GLT1D1: variants seen among roughly 807,000 people sequenced by gnomAD.
GLT1D1 encodes the protein glycosyltransferase 1 domain containing 1, also known as glycosyltransferase 1 domain-containing protein 1.
A neutral mutation model predicts 28.7 loss-of-function variants in GLT1D1; 21 were observed. The ratio of observed to expected loss-of-function variants is 0.73; its 90% CI spans 0.52 to 1.05. The LOEUF (loss-of-function observed/expected upper bound fraction) is 1.05, where lower values mean the gene tolerates loss of function less well. GLT1D1 is among the 50% of genes least tolerant of loss of function. The probability of loss-of-function intolerance (pLI) is 0.00; values close to 1 mark genes in which losing one functional copy is unlikely to be tolerated. For missense variants in GLT1D1, 343 were observed against 330.6 expected (o/e 1.04, Z -0.29); for synonymous variants, 147 against 124.8 (o/e 1.18, Z -1.19).
intron 1 of GLT1D1, among the ~76,000 whole-genome samples, chr12:128,867,412 A>AAACCAG (rs1956565465): frequency 7.3e-6 from 1 of 136,784 alleles, no homozygotes; most frequent in Non-Finnish European, 1.6e-5. Flanking sequence ...AAAAAAAAAA[A>AAACCAG]AAAACAGAAA....
At chr12:128,875,847 A>T in intron 1 of GLT1D1, 67 bp from the exon 2 acceptor site, 1 of 1,379,284 alleles carries the variant, frequency 7.3e-7, no homozygotes, top group Non-Finnish European at 1.0e-6. Flanking sequence ...TCTTAACTGT[A>T]GCAGCAACCT....
In GLT1D1 at chr12:128,877,113, T is replaced by C. The variant is rs141208603; in HGVS notation, c.217+1051T>C. On this transcript the variant is annotated intron_variant, in intron 2 of 7. Coordinates refer to ENST00000281703, the MANE Select transcript of GLT1D1 (RefSeq NM_144669.3). ...TATTCTTGACCTTATTTTCAGGTTGTGGAAAATTTTTCTTAACACTCACAA... is the reference window on the plus strand; with the variant it reads ...TATTCTTGACCTTATTTTCAGGTTGCGGAAAATTTTTCTTAACACTCACAA... Among the ~76,000 whole-genome samples, 70 of 152,348 alleles carry C rather than the reference T, an allele frequency of 4.6e-4. No individual in the cohort carries two copies. The East Asian group carries it at 0.013, about 28-fold the overall frequency.
At chr12:128,927,736 G>T (rs931841679) in intron 4 of GLT1D1, among the ~76,000 whole-genome samples, 1 of 151,550 alleles carries the variant, frequency 6.6e-6, no homozygotes, top group Non-Finnish European at 1.5e-5. Flanking sequence ...ACTGGCTCAC[G>T]CCTGTAATCC....
chr12:128,927,504 C>T (rs567692585), intron 4 of GLT1D1, among the ~76,000 whole-genome samples: 1 of 152,138 alleles, frequency 6.6e-6, no homozygotes, highest in Non-Finnish European at 1.5e-5. Context: ...TCCCAAAGTG[C>T]TGGGATTACA....
chr12:128,949,312 T>C (rs11060037), intron 6 of GLT1D1, among the ~76,000 whole-genome samples: 68,606 of 152,108 alleles, frequency 0.45, 16,646 homozygotes, highest in Non-Finnish European at 0.54. Context: ...TTAGCAACTC[T>C]GACTGCCTTA....
At chr12:128,914,904 C>T (rs1871946289) in intron 4 of GLT1D1, 29 bp from the exon 6 acceptor site, 1 of 1,519,958 alleles carries the variant, frequency 6.6e-7, no homozygotes. Flanking sequence ...TCAAAGTGAA[C>T]TTGCCCTTTT....
chr12:128,856,898 G>A (rs746316247), intron 1 of GLT1D1, among the ~76,000 whole-genome samples: 11 of 152,110 alleles, frequency 7.2e-5, no homozygotes, highest in East Asian at 1.9e-4. Context: ...CCTGCAAGGC[G>A]GAGGTTGCAT....
Position 128,966,494 on chromosome 12 carries a change from C to T in GLT1D1, c.639+8851C>T, listed in dbSNP as rs1228834419. Reference sequence around the variant, plus strand: ...TGGCATGTGTCACGGTGCCACACTGCTTGCTCCCCACACCCTCCTCCCCAA... The same window carrying T: ...TGGCATGTGTCACGGTGCCACACTGTTTGCTCCCCACACCCTCCTCCCCAA... On this transcript the variant is annotated intron_variant, in intron 7 of 7. Transcript: ENST00000281703. 3.9e-5 allele frequency among the ~76,000 whole-genome samples: 6 copies of T among 152,196 alleles called. No homozygotes were observed. The East Asian group carries it at 1.2e-3, about 29-fold the overall frequency.
intron 7 of GLT1D1, among the ~76,000 whole-genome samples, chr12:128,981,979 C>A (rs1401161689): frequency 6.6e-6 from 1 of 152,160 alleles, no homozygotes. Flanking sequence ...AGAGTAACGA[C>A]TGGTCCCCTC....
intron 4 of GLT1D1, among the ~76,000 whole-genome samples, chr12:128,913,517 G>A (rs1451144592): frequency 1.3e-5 from 2 of 152,122 alleles, no homozygotes; most frequent in Non-Finnish European, 2.9e-5. Flanking sequence ...CACCGTGCCC[G>A]GCCTCTCTAA....
chr12:128,901,221 A>G (rs1268486417), intron 4 of GLT1D1, among the ~76,000 whole-genome samples: 1 of 152,190 alleles, frequency 6.6e-6, no homozygotes, highest in Non-Finnish European at 1.5e-5. Context: ...GTTTCACTTA[A>G]AAATGTCCCT....
intron 4 of GLT1D1, among the ~76,000 whole-genome samples, chr12:128,899,967 G>T (rs1870065111): frequency 6.6e-6 from 1 of 152,138 alleles, no homozygotes; most frequent in Non-Finnish European, 1.5e-5. Flanking sequence ...AGTTTCCTGG[G>T]TTGGACCGTT....
chr12:128,925,707 T>G (rs1308280627), intron 4 of GLT1D1, among the ~76,000 whole-genome samples: 1 of 152,192 alleles, frequency 6.6e-6, no homozygotes, highest in Non-Finnish European at 1.5e-5. Context: ...ATCAAGACAT[T>G]ATTCTTCCTA....
intron 7 of GLT1D1, among the ~76,000 whole-genome samples, chr12:128,959,421 C>CGTGGG (rs1877680995): frequency 1.0e-4 from 1 of 9,942 alleles, no homozygotes; most frequent in East Asian, 6.4e-3. Context: ...TGGGGGGGGA[C>CGTGGG]GGGTGGGGAG....
intron 4 of GLT1D1, among the ~76,000 whole-genome samples, chr12:128,934,196 G>GTTTTTTTTTTTTTTTTTT (rs1410503648): frequency 2.3e-5 from 3 of 128,686 alleles, no homozygotes; most frequent in Non-Finnish European, 3.2e-5. Flanking sequence ...CAAAGAGACA[G>GTTTTTTTTTTTTTTTTTT]TCTTTTTTTT....
intron 2 of GLT1D1, 39 bp downstream of exon 2, chr12:128,876,101 T>C: frequency 6.4e-7 from 1 of 1,569,918 alleles, no homozygotes; most frequent in Non-Finnish European, 8.6e-7. Flanking sequence ...CACTAGAAAT[T>C]CTGAAAACCG....
At chr12:128,945,583 T>C (rs617042) in intron 5 of GLT1D1, among the ~76,000 whole-genome samples, 150,563 of 152,340 alleles carry the variant, frequency 0.99, 74,423 homozygotes, top group Middle Eastern at 1. Context: ...TAATTTTTAA[T>C]GGATCACATT....
Position 128,873,909 on chromosome 12 carries a change from TTC to T in GLT1D1, c.69-1999_69-1998del, listed in dbSNP as rs532576919. On this transcript the variant is annotated intron_variant, in intron 1 of 7. Coordinates refer to ENST00000281703, the MANE Select transcript of GLT1D1 (RefSeq NM_144669.3). ...TCTCTCTTGCTCCCTTTCTCTTTCTTTCTCTCTTTCTTTTTCTTTCTTTCTTT... is the reference window on the plus strand; with the variant it reads ...TCTCTCTTGCTCCCTTTCTCTTTCTTTCTCTTTCTTTTTCTTTCTTTCTTT... Among the ~76,000 whole-genome samples, 430 of 133,426 alleles carry T rather than the reference TTC, an allele frequency of 3.2e-3. 8 individuals carry two copies. Among genetic ancestry groups the T allele is most frequent in the African/African-American group, 9.6e-3 (358 of 37,446 alleles). 87.5% of individuals were successfully genotyped at this position (133,426 alleles called of 152,430 possible).
intron 1 of GLT1D1, among the ~76,000 whole-genome samples, chr12:128,856,270 T>A (rs1307627936): frequency 6.6e-6 from 1 of 152,162 alleles, no homozygotes; most frequent in Non-Finnish European, 1.5e-5. Flanking sequence ...CTTTACTGCA[T>A]CCTGTTTTAT....
Sources: gnomAD v4.1 joint callset for allele counts (sites outside exome capture counted in the v4.1 genomes callset) on GRCh38, gnomAD v4.1.1 for gene constraint, MANE v1.5 for transcripts, NCBI Gene and HGNC (gene_info 2026-07-23, HGNC 2026-07-21) for gene names.